TIA1: variants seen among roughly 807,000 people sequenced by gnomAD.
The protein encoded by TIA1 is cytotoxic granule associated RNA binding protein TIA1.
Under a neutral mutation model 65.9 loss-of-function variants are expected in TIA1, and 23 were observed. The ratio of observed to expected loss-of-function variants is 0.35; its 90% CI spans 0.25 to 0.49. The LOEUF (loss-of-function observed/expected upper bound fraction) is 0.49. Among genes scored for constraint, TIA1 ranks in the 20% least tolerant of loss-of-function variants. The pLI is 0.98. For synonymous variants in TIA1, 147 were observed against 149.4 expected, an observed-to-expected ratio of 0.98 and a Z score of 0.12; for missense variants, 371 against 477.9, an observed-to-expected ratio of 0.78 and a Z score of 2.09.
intron 6 of TIA1, chr2:70,225,174 C>T (rs1683272098): frequency 9.8e-7 from 1 of 1,023,334 alleles, no homozygotes; most frequent in Non-Finnish European, 1.2e-6. Context: ...AATGTTAAAT[C>T]ATTGAAGAAA....
chr2:70,246,049 G>A (rs1573887239), intron 1 of TIA1, among the ~76,000 whole-genome samples: 1 of 150,424 alleles, frequency 6.6e-6, no homozygotes, highest in East Asian at 2.0e-4. Context: ...TCAGCCTCCC[G>A]AGTAGCTGGG....
intron 2 of TIA1, among the ~76,000 whole-genome samples, chr2:70,231,943 CT>C (rs1299842496): frequency 1.3e-5 from 2 of 152,116 alleles, no homozygotes; most frequent in African/African-American, 4.8e-5. Flanking sequence ...TGGCTCATGC[CT>C]GTAATCCCAG....
chr2:70,215,292 C>A (rs567895863), intron 11 of TIA1, 79 bp downstream of exon 11: 197 of 1,564,902 alleles, frequency 1.3e-4, no homozygotes, highest in Non-Finnish European at 1.7e-4. Flanking sequence ...AACTTATTAA[C>A]AAGGATTATC....
intron 7 of TIA1, among the ~76,000 whole-genome samples, chr2:70,223,655 C>T (rs1259176688): frequency 6.6e-6 from 1 of 151,824 alleles, no homozygotes; most frequent in African/African-American, 2.4e-5. Flanking sequence ...CTCAAGTGAT[C>T]CGCCCACCTT....
chr2:70,233,308 A>G (rs1687336633), intron 2 of TIA1, among the ~76,000 whole-genome samples: 1 of 152,226 alleles, frequency 6.6e-6, no homozygotes, highest in Admixed American at 6.5e-5. Context: ...AATGACTTGT[A>G]AAAATTTTAA....
chr2:70,230,464 A>G (rs1004951777), intron 3 of TIA1, among the ~76,000 whole-genome samples: 2 of 152,046 alleles, frequency 1.3e-5, no homozygotes, highest in Non-Finnish European at 2.9e-5. Context: ...CAGTCTGGCT[A>G]ACATGGTGAA....
intron 7 of TIA1, among the ~76,000 whole-genome samples, chr2:70,219,598 G>C (rs1172194059): frequency 2.6e-5 from 4 of 152,070 alleles, no homozygotes; most frequent in African/African-American, 9.7e-5. Flanking sequence ...CAGCCTCCTA[G>C]TAGCTAGGAC....
At chr2:70,235,410 C>T (rs756685697) in intron 2 of TIA1, among the ~76,000 whole-genome samples, 9 of 151,852 alleles carry the variant, frequency 5.9e-5, no homozygotes, top group East Asian at 3.9e-4. Context: ...AGCAAAACTC[C>T]GTCTCAAAAA....
chr2:70,241,309 G>T (rs1299985300), intron 1 of TIA1, among the ~76,000 whole-genome samples: 1 of 152,082 alleles, frequency 6.6e-6, no homozygotes, highest in Non-Finnish European at 1.5e-5. Context: ...GGGCTTGGTG[G>T]CGTGTGCCTG....
intron 7 of TIA1, among the ~76,000 whole-genome samples, chr2:70,221,883 G>T (rs1006539562): frequency 3.3e-5 from 5 of 151,912 alleles, no homozygotes; most frequent in African/African-American, 1.2e-4. Flanking sequence ...AACTTCCTGG[G>T]CTCAGGTGAT....
intron 1 of TIA1, among the ~76,000 whole-genome samples, chr2:70,241,743 C>T (rs1175788689): frequency 6.6e-6 from 1 of 151,890 alleles, no homozygotes; most frequent in African/African-American, 2.4e-5. Context: ...AGTTTGAGAC[C>T]AGCTAGGGCA....
chr2:70,225,918 A>G (rs1010787278), intron 6 of TIA1, among the ~76,000 whole-genome samples: 1 of 152,138 alleles, frequency 6.6e-6, no homozygotes, highest in African/African-American at 2.4e-5. Context: ...ACTGTTTATT[A>G]CACATCTATA....
At chr2:70,216,653 C>A in intron 8 of TIA1, 154 bp from the exon 9 acceptor site, 1 of 1,354,102 alleles carries the variant, frequency 7.4e-7, no homozygotes, top group Non-Finnish European at 9.9e-7. Context: ...TTAAACCTCC[C>A]CCACGAATGT....
At chr2:70,247,643 C>T (rs972007275) in intron 1 of TIA1, among the ~76,000 whole-genome samples, 1 of 151,954 alleles carries the variant, frequency 6.6e-6, no homozygotes, top group African/African-American at 2.4e-5. Flanking sequence ...TCTAAAAATT[C>T]TCTGTAAATA....
rs75094301 is a variant in TIA1 at position 70,214,720 on chromosome 2, G to C, written c.889-226C>G. Among the ~76,000 whole-genome samples, 820 of 151,990 alleles carry C rather than the reference G, an allele frequency of 5.4e-3. 41 individuals carry two copies. In the East Asian group the frequency reaches 0.12, roughly 22 times the overall value. The stretch of plus-strand genomic sequence containing the variant: ...TGTAACTCTACGTGATACTCTGAAT[G>C]GCATAGTTTTTGGAAGGCATCAGTT... On this transcript the variant is annotated intron_variant, in intron 11 of 12. Transcript: ENST00000433529.
chr2:70,229,205 A>T (rs996990209), intron 4 of TIA1, 59 bp downstream of exon 4: 2 of 1,602,784 alleles, frequency 1.2e-6, no homozygotes, highest in Non-Finnish European at 1.7e-6. Flanking sequence ...TATAGGCTTT[A>T]CAATAAAACT....
chr2:70,213,796 T>G (rs1573150583), intron 12 of TIA1, among the ~76,000 whole-genome samples: 1 of 151,972 alleles, frequency 6.6e-6, no homozygotes, highest in African/African-American at 2.4e-5. Flanking sequence ...GAACTACTGG[T>G]GTGCACCACT....
upstream of TIA1, chr2:70,248,642 A>G (rs1032079933): frequency 1.5e-5 from 10 of 652,588 alleles, no homozygotes; most frequent in African/African-American, 1.6e-4. Context: ...CCGGGAGCCT[A>G]GGAGCAGCCA....
intron 1 of TIA1, among the ~76,000 whole-genome samples, chr2:70,238,119 C>T (rs1689890997): frequency 1.3e-5 from 2 of 151,254 alleles, no homozygotes; most frequent in Admixed American, 6.6e-5. Flanking sequence ...CGAGATGGTG[C>T]CACTGCACTC....
Sources: gnomAD v4.1 joint callset for allele counts (sites outside exome capture counted in the v4.1 genomes callset) on GRCh38, gnomAD v4.1.1 for gene constraint, MANE v1.5 for transcripts, NCBI Gene and HGNC (gene_info 2026-07-23, HGNC 2026-07-21) for gene names.